The following ABAT variants were observed in gnomAD, a reference collection of about 807,000 sequenced individuals.
The protein encoded by ABAT is 4-aminobutyrate aminotransferase, mitochondrial.
A neutral mutation model predicts 64.6 loss-of-function variants in ABAT; 45 were observed. That is an observed-to-expected ratio of 0.70 (90% CI 0.55 to 0.89). ABAT has a LOEUF of 0.89. Among genes scored for constraint, ABAT ranks in the 40% least tolerant of loss-of-function variants. The pLI, the probability that ABAT is intolerant of heterozygous loss-of-function variation, is 0.00. For missense variants in ABAT, 633 were observed against 658.4 expected, an observed-to-expected ratio of 0.96 and a Z score of 0.42; for synonymous variants, 297 against 250.5, an observed-to-expected ratio of 1.19 and a Z score of -1.75.
chr16:8,684,427 G>GC (rs2057406151), intron 1 of ABAT, among the ~76,000 whole-genome samples: 1 of 152,036 alleles, frequency 6.6e-6, no homozygotes, highest in Non-Finnish European at 1.5e-5. Context: ...ACTAAAATTA[G>GC]CCGGGCATGG....
At chr16:8,706,545 C>G (rs2057950120) in intron 1 of ABAT, among the ~76,000 whole-genome samples, 1 of 151,946 alleles carries the variant, frequency 6.6e-6, no homozygotes, top group Admixed American at 6.6e-5. Context: ...GAAACCCCAT[C>G]TCTACTAAAA....
chr16:8,715,954 G>A (rs1018731722), intron 1 of ABAT, among the ~76,000 whole-genome samples: 1 of 152,096 alleles, frequency 6.6e-6, no homozygotes, highest in Non-Finnish European at 1.5e-5. Context: ...TAATAGAGTG[G>A]GCACGAGTGT....
chr16:8,764,718 G>T lies in ABAT; in HGVS notation c.448-20G>T. Reference sequence around the variant, plus strand: ...GGAGTCATGATGAGCCTGGGCTCACGGCTATTTCCCTCCCCACAGGTGGCT... The same window carrying T: ...GGAGTCATGATGAGCCTGGGCTCACTGCTATTTCCCTCCCCACAGGTGGCT... On this transcript the variant is annotated intron_variant, in intron 7 of 15. Transcript: ENST00000268251. This position sits in a 1 kb window ranked among gnomAD's most constrained non-coding sequence, Gnocchi z 4.2. 6.2e-7 allele frequency: 1 copy of T among 1,611,248 alleles called. No homozygotes were observed. Among genetic ancestry groups the T allele is most frequent in the Non-Finnish European group, 8.5e-7 (1 of 1,177,452 alleles).
intron 12 of ABAT, among the ~76,000 whole-genome samples, chr16:8,773,130 A>G (rs1416627467): frequency 7.3e-6 from 1 of 137,408 alleles, no homozygotes; most frequent in East Asian, 2.0e-4. Flanking sequence ...ACACACACAC[A>G]CACACACACA....
In ABAT at chr16:8,776,803, T is replaced by C. The variant is rs1246606132; in HGVS notation, c.1269+313T>C. Among the ~76,000 whole-genome samples, 4 of 152,212 alleles carry C rather than the reference T, an allele frequency of 2.6e-5. No homozygotes were observed. Among genetic ancestry groups the C allele is most frequent in the African/African-American group, 4.8e-5 (2 of 41,464 alleles). Reference sequence around the variant, plus strand: ...TCTGTTAGCCAGTCCGGCCTTGAACTCCTGGCCTCAAACGATCCTTCCACC... The same window carrying C: ...TCTGTTAGCCAGTCCGGCCTTGAACCCCTGGCCTCAAACGATCCTTCCACC... On this transcript the variant is annotated intron_variant, in intron 14 of 15. Coordinates refer to ENST00000268251, the MANE Select transcript of ABAT (RefSeq NM_020686.6). This position sits in a 1 kb window ranked among gnomAD's most constrained non-coding sequence, Gnocchi z 4.4.
chr16:8,761,067 C>G (rs1221936238), intron 6 of ABAT, among the ~76,000 whole-genome samples: 1 of 136,110 alleles, frequency 7.3e-6, no homozygotes, highest in Non-Finnish European at 1.6e-5. Context: ...CAGAGCGAGA[C>G]CTTGCCTCTG....
intron 1 of ABAT, among the ~76,000 whole-genome samples, chr16:8,687,957 G>T (rs933087138): frequency 1.3e-5 from 2 of 152,024 alleles, no homozygotes; most frequent in African/African-American, 4.8e-5. Context: ...GGAGTGCACT[G>T]GCACCATCGT....
chr16:8,687,262 G>T (rs557177323), intron 1 of ABAT, among the ~76,000 whole-genome samples: 1 of 152,078 alleles, frequency 6.6e-6, no homozygotes, highest in African/African-American at 2.4e-5. Context: ...GCTGAGCTCC[G>T]GTCTGTAATC....
At chr16:8,731,048 C>T (rs1458406023) in intron 1 of ABAT, among the ~76,000 whole-genome samples, 2 of 151,176 alleles carry the variant, frequency 1.3e-5, no homozygotes, top group African/African-American at 2.4e-5. Flanking sequence ...CTGCCATCTC[C>T]GCCTCCCAGG....
In ABAT at chr16:8,764,631, C is replaced by T. The variant is rs1020246193; in HGVS notation, c.448-107C>T. Reference sequence around the variant, plus strand: ...GACACCTTCCAGGACAGCCCTGGTTCTGTCTGTCCCCGGTACGGCCCCTGC... The same window carrying T: ...GACACCTTCCAGGACAGCCCTGGTTTTGTCTGTCCCCGGTACGGCCCCTGC... On this transcript the variant is annotated intron_variant, in intron 7 of 15. Coordinates refer to ENST00000268251, the MANE Select transcript of ABAT (RefSeq NM_020686.6). The surrounding 1 kb of genome is among the most constrained non-coding windows in gnomAD (Gnocchi z 4.2). The T allele has an allele frequency of 2.6e-5, 28 of 1,072,102 alleles. No homozygotes were observed. The highest frequency in any genetic ancestry group is 3.6e-5 in the Non-Finnish European group (25 of 699,934). The allele number at this position is 1,072,102 out of a possible 1,614,324, so 66.4% of individuals were successfully genotyped here. A position where few individuals can be genotyped will look rare whatever the true frequency, so the allele number is the denominator to read the frequency against.
At chr16:8,679,101 T>C (rs556430807) in intron 1 of ABAT, among the ~76,000 whole-genome samples, 103 of 152,228 alleles carry the variant, frequency 6.8e-4, no homozygotes, top group African/African-American at 2.3e-3. Flanking sequence ...GCAGAATCAC[T>C]TGAGCCCAGG....
chr16:8,763,967 T>G, intron 6 of ABAT, 102 bp from the exon 7 acceptor site: 1 of 969,756 alleles, frequency 1.0e-6, no homozygotes, highest in East Asian at 2.4e-5. Context: ...GCAACCCCAT[T>G]TGGAGGCTAT....
chr16:8,708,795 A>G (rs2058007077), intron 1 of ABAT, among the ~76,000 whole-genome samples: 2 of 152,202 alleles, frequency 1.3e-5, no homozygotes, highest in Admixed American at 6.5e-5. Context: ...GATCTTGGGC[A>G]TGTTCTAAAC....
chr16:8,714,467 A>T (rs1274805865), intron 1 of ABAT: 3 of 152,398 alleles, frequency 2.0e-5, no homozygotes, highest in African/African-American at 7.2e-5. Flanking sequence ...AGCTCTGGAC[A>T]GCCGCTCTCT....
intron 14 of ABAT, among the ~76,000 whole-genome samples, chr16:8,778,137 T>C (rs895316504): frequency 5.9e-5 from 9 of 152,132 alleles, no homozygotes; most frequent in African/African-American, 1.9e-4. Context: ...CTGTCCTTCA[T>C]ATGGACAGCA....
At chr16:8,737,935 GAAA>G (rs2059002503) in intron 2 of ABAT, among the ~76,000 whole-genome samples, 1 of 28,996 alleles carries the variant, frequency 3.4e-5, no homozygotes, top group Non-Finnish European at 6.6e-5. Flanking sequence ...AAAAAAAAAA[GAAA>G]GGAAAGGAAG....
chr16:8,732,036 A>T lies in ABAT; in HGVS notation c.-41-3663A>T, dbSNP rs185605315. Among the ~76,000 whole-genome samples, 440 of 152,060 alleles carry T rather than the reference A, an allele frequency of 2.9e-3. 4 individuals carry two copies. Among genetic ancestry groups the T allele is most frequent in the African/African-American group, 0.01 (422 of 41,454 alleles). On this transcript the variant is annotated intron_variant, in intron 1 of 15. Transcript: ENST00000268251. The stretch of plus-strand genomic sequence containing the variant: ...GCCCGGGTAATTTTTTATGTTTGGT[A>T]GAGACGGGGTTTCACTATGTTGGCC...
At chr16:8,773,104 A>T (rs1243410458) in intron 12 of ABAT, among the ~76,000 whole-genome samples, 187 bp downstream of exon 12, 2 of 107,340 alleles carry the variant, frequency 1.9e-5, no homozygotes, top group African/African-American at 7.9e-5. Flanking sequence ...CCCTAAAACT[A>T]TACACACACA....
chr16:8,728,632 T>G (rs1346330815), intron 1 of ABAT, among the ~76,000 whole-genome samples: 2 of 152,166 alleles, frequency 1.3e-5, no homozygotes, highest in Non-Finnish European at 2.9e-5. Context: ...TTCCAGCACT[T>G]TGGGAGGCAG....
Sources: gnomAD v4.1 joint callset for allele counts (sites outside exome capture counted in the v4.1 genomes callset) on GRCh38, gnomAD v4.1.1 for gene constraint, Gnocchi (gnomAD v3.1) non-coding constraint, MANE v1.5 for transcripts, NCBI Gene and HGNC (gene_info 2026-07-23, HGNC 2026-07-21) for gene names.